The following KIAA1210 variants were observed in gnomAD, a reference collection of about 807,000 sequenced individuals.
KIAA1210 encodes the protein acrosomal protein KIAA1210.
Under a neutral mutation model 78.9 loss-of-function variants are expected in KIAA1210, and 48 were observed. The ratio of observed to expected loss-of-function variants is 0.61; its 90% confidence interval spans 0.48 to 0.77. The LOEUF (loss-of-function observed/expected upper bound fraction) is 0.77, where lower values mean the gene tolerates loss of function less well. KIAA1210 is among the 30% of genes least tolerant of loss of function. KIAA1210 has a pLI of 0.00. For missense variants in KIAA1210, 1,108 were observed against 1,100.0 expected (o/e 1.01, Z -0.10); for synonymous variants, 406 against 404.5 (o/e 1.00, Z -0.04).
intron 3 of KIAA1210, among the ~76,000 whole-genome samples, chrX:119,110,234 CT>C (rs1928028744): frequency 8.9e-6 from 1 of 112,219 alleles, no homozygotes; most frequent in African/African-American, 3.2e-5. Flanking sequence ...ATGCCAAACA[CT>C]GTATCAATAG....
intron 2 of KIAA1210, among the ~76,000 whole-genome samples, chrX:119,119,318 G>A (rs183957006): frequency 8.9e-6 from 1 of 112,170 alleles, no homozygotes; most frequent in African/African-American, 3.2e-5. Context: ...GTAGAGCAAC[G>A]AAAGATTATA....
chrX:119,099,059 A>T (rs1927652161), intron 6 of KIAA1210, among the ~76,000 whole-genome samples: 1 of 112,329 alleles, frequency 8.9e-6, no homozygotes, highest in African/African-American at 3.2e-5. Context: ...GTAAAAGGAG[A>T]AAAACAAGGA....
intron 1 of KIAA1210, 94 bp from the exon 2 acceptor site, chrX:119,123,746 A>G (rs1478855845): frequency 9.5e-6 from 5 of 523,688 alleles, no homozygotes; most frequent in Non-Finnish European, 1.6e-5. Context: ...TCCTTCAGTT[A>G]TATTCTTAAA....
chrX:119,117,389 G>GTGTGTGA (rs1556001945), intron 2 of KIAA1210, among the ~76,000 whole-genome samples: 17 of 110,832 alleles, frequency 1.5e-4, no homozygotes, highest in African/African-American at 5.7e-4. Flanking sequence ...GTGTGTGTGT[G>GTGTGTGA]TGATGATGAT....
chrX:119,105,199 C>T (rs1927858372), intron 5 of KIAA1210, 52 bp from the exon 6 acceptor site: 1 of 1,082,504 alleles, frequency 9.2e-7, no homozygotes, highest in African/African-American at 1.9e-5. Context: ...CTCTCTTCCT[C>T]AAATTAGTGG....
upstream of KIAA1210, chrX:119,150,722 C>T (rs1347337217): frequency 3.1e-6 from 2 of 639,958 alleles, no homozygotes; most frequent in African/African-American, 4.5e-5. Context: ...GGCACCGCCC[C>T]CAACCAGCGG....
chrX:119,101,341 G>A (rs1182763346), intron 6 of KIAA1210, among the ~76,000 whole-genome samples: 1 of 112,178 alleles, frequency 8.9e-6, no homozygotes, highest in Non-Finnish European at 1.9e-5. Flanking sequence ...ATTACCAGGT[G>A]GCTGTCTAGG....
intron 1 of KIAA1210, among the ~76,000 whole-genome samples, chrX:119,124,127 G>C (rs763367473): frequency 1.1e-3 from 120 of 112,034 alleles, no homozygotes; most frequent in Non-Finnish European, 1.9e-3. Flanking sequence ...CTCCCAAGTA[G>C]TTGGGACTAC....
chrX:119,081,035 G>A lies in KIAA1210; in HGVS notation c.*294C>T. The A allele has an allele frequency of 6.1e-6, 1 of 165,051 alleles. No individual in the cohort carries two copies. The highest frequency in any genetic ancestry group is 1.1e-5 in the Non-Finnish European group (1 of 87,910). 13.6% of individuals were successfully genotyped at this position (165,051 alleles called of 1,213,427 possible). ...ATCCCAGCTTTTGGGAGGCTGAGGC[G>A]GGCGGATCACGAGGTCAGGAGATCA... is the stretch of plus-strand genomic sequence containing the variant. On this transcript the variant is annotated 3_prime_UTR_variant, in exon 12 of 12. Transcript: ENST00000691062.
At chrX:119,137,755 A>G (rs1272620035) in intron 2 of KIAA1210, among the ~76,000 whole-genome samples, 1 of 112,257 alleles carries the variant, frequency 8.9e-6, no homozygotes, top group Non-Finnish European at 1.9e-5. Context: ...TCTTCTTCCA[A>G]TGTGGCCCAG....
chrX:119,093,487 A>G (rs1259442878), intron 8 of KIAA1210, among the ~76,000 whole-genome samples, 180 bp downstream of exon 8: 4 of 112,244 alleles, frequency 3.6e-5, no homozygotes, highest in Non-Finnish European at 7.5e-5. Context: ...TGGCAATTGT[A>G]TTACTTTGGC....
At chrX:119,095,888 GC>G (rs1191577714) in intron 7 of KIAA1210, among the ~76,000 whole-genome samples, 1 of 111,610 alleles carries the variant, frequency 9.0e-6, no homozygotes, top group Non-Finnish European at 1.9e-5. Flanking sequence ...ATATTAAATG[GC>G]CCCAGATTGT....
intron 3 of KIAA1210, among the ~76,000 whole-genome samples, chrX:119,113,611 G>A (rs1416719493): frequency 8.9e-6 from 1 of 111,753 alleles, no homozygotes; most frequent in African/African-American, 3.2e-5. Context: ...CTAAAATTGG[G>A]TAATAGTGAT....
At chrX:119,126,516 A>G (rs1053300925) in intron 1 of KIAA1210, among the ~76,000 whole-genome samples, 2 of 112,264 alleles carry the variant, frequency 1.8e-5, no homozygotes, top group African/African-American at 6.5e-5. Context: ...AATTCTGCCT[A>G]AAGATGACTT....
chrX:119,133,034 T>TA (rs953247219), intron 2 of KIAA1210, among the ~76,000 whole-genome samples: 1 of 111,190 alleles, frequency 9.0e-6, no homozygotes, highest in African/African-American at 3.3e-5. Context: ...TGAGGTGTGG[T>TA]AAGGGGAGAG....
chrX:119,118,051 A>G (rs1462830685), intron 2 of KIAA1210, among the ~76,000 whole-genome samples: 1 of 112,225 alleles, frequency 8.9e-6, no homozygotes, highest in African/African-American at 3.2e-5. Flanking sequence ...ACAAGTGCCA[A>G]CTAAGTTGTC....
At chrX:119,148,261 T>C (rs935728570) in intron 1 of KIAA1210, among the ~76,000 whole-genome samples, 4 of 111,880 alleles carry the variant, frequency 3.6e-5, no homozygotes, top group African/African-American at 1.3e-4. Context: ...GGTCTACTAC[T>C]CAGATGACAA....
In KIAA1210 at chrX:119,150,530, A is replaced by AGAGAAGC; in HGVS notation, c.43_49dup (p.Leu17ArgfsTer59). On this transcript the variant is annotated frameshift_variant, in exon 1 of 14. Transcript: ENST00000402510. LOFTEE classifies it high-confidence loss of function. The stretch of plus-strand genomic sequence containing the variant: ...CAGGTAGGGGTGCCGGCCAGGAAGG[A>AGAGAAGC]GAGAAGCGTGAAAGGCAGAGAAGCC... The AGAGAAGC allele has an allele frequency of 1.7e-6, 2 of 1,210,123 alleles. No homozygotes were observed. Among genetic ancestry groups the AGAGAAGC allele is most frequent in the Non-Finnish European group, 2.2e-6 (2 of 895,206 alleles).
At chrX:119,102,860 CT>C (rs1170051187) in intron 6 of KIAA1210, among the ~76,000 whole-genome samples, 1 of 112,025 alleles carries the variant, frequency 8.9e-6, no homozygotes, top group Non-Finnish European at 1.9e-5. Flanking sequence ...AAAACTCAAA[CT>C]CATCCGTCTG....
Sources: allele counts gnomAD v4.1 joint callset (sites outside exome capture counted in the v4.1 genomes callset), GRCh38; gene constraint gnomAD v4.1.1; transcripts MANE v1.5; gene names NCBI Gene and HGNC (gene_info 2026-07-23, HGNC 2026-07-21).